Variants in PLD5 observed in about 807,000 individuals in gnomAD.
The protein encoded by PLD5 is inactive phospholipase D5.
In PLD5, 36 loss-of-function variants were observed where a neutral mutation model predicts 61.1. The observed-to-expected ratio is 0.59, with a 90% CI of 0.45 to 0.78. The LOEUF (loss-of-function observed/expected upper bound fraction) is 0.78, where lower values mean the gene tolerates loss of function less well. Among genes scored for constraint, PLD5 ranks in the 30% least tolerant of loss-of-function variants. The pLI is 0.00. For synonymous variants in PLD5, 243 were observed against 242.8 expected, an observed-to-expected ratio of 1.00 and a Z score of -0.01; for missense variants, 515 against 644.4, an observed-to-expected ratio of 0.80 and a Z score of 2.17.
chr1:242,446,367 C>T (rs1558573988), intron 1 of PLD5, among the ~76,000 whole-genome samples: 1 of 152,006 alleles, frequency 6.6e-6, no homozygotes, highest in Non-Finnish European at 1.5e-5. Context: ...GCCAGGAGTT[C>T]GAGGCCAATC....
chr1:242,337,016 T>A (rs1659554001), intron 2 of PLD5, among the ~76,000 whole-genome samples: 1 of 152,120 alleles, frequency 6.6e-6, no homozygotes, highest in South Asian at 2.1e-4. Flanking sequence ...GCTGCTTAAA[T>A]GACCAAGTTT....
chr1:242,517,129 C>T (rs902551992), intron 1 of PLD5, among the ~76,000 whole-genome samples: 2 of 152,198 alleles, frequency 1.3e-5, no homozygotes, highest in Non-Finnish European at 2.9e-5. Context: ...TGTACACAAT[C>T]ATACTGTCTG....
chr1:242,366,646 C>T (rs1661357047), intron 1 of PLD5, among the ~76,000 whole-genome samples: 1 of 151,906 alleles, frequency 6.6e-6, no homozygotes, highest in South Asian at 2.1e-4. Flanking sequence ...TTGCCATTAC[C>T]TTTAGTGGCA....
rs971409622 is a variant in PLD5 at position 242,506,995 on chromosome 1, C to A, written c.189+17093G>T. On this transcript the variant is annotated intron_variant, in intron 1 of 9. Coordinates refer to ENST00000536534, the MANE Select transcript of PLD5 (RefSeq NM_001372062.1). ...TCCTCAGTAGCAGCACGTGTCATGCCAAGGGTGAGAGGTGGCCCAGGCGGC... is the reference window on the plus strand; with the variant it reads ...TCCTCAGTAGCAGCACGTGTCATGCAAAGGGTGAGAGGTGGCCCAGGCGGC... Among the ~76,000 whole-genome samples, 5 of 152,142 alleles carry A rather than the reference C, an allele frequency of 3.3e-5. No individual in the cohort carries two copies. The South Asian group carries it at 1.0e-3, about 32-fold the overall frequency.
chr1:242,290,327 T>A (rs1446751097), intron 2 of PLD5, among the ~76,000 whole-genome samples: 2 of 147,308 alleles, frequency 1.4e-5, no homozygotes, highest in Non-Finnish European at 3.0e-5. Context: ...TTTTTATGAG[T>A]GAGTTGGAAG....
chr1:242,128,456 G>A (rs1662975418), intron 5 of PLD5, among the ~76,000 whole-genome samples: 1 of 152,168 alleles, frequency 6.6e-6, no homozygotes, highest in African/African-American at 2.4e-5. Context: ...GATCAAAGCA[G>A]CTGCCCCTGC....
chr1:242,323,094 A>G (rs1409376594), intron 2 of PLD5, among the ~76,000 whole-genome samples: 1 of 152,164 alleles, frequency 6.6e-6, no homozygotes, highest in Non-Finnish European at 1.5e-5. Flanking sequence ...ATAAATTATT[A>G]TTGTTATAAT....
At chr1:242,530,114 G>A in the PLD5 span, among the ~76,000 whole-genome samples, 190 of 152,248 alleles carry the variant, frequency 1.2e-3, 2 homozygotes, top group Middle Eastern at 6.8e-3. Flanking sequence ...GACTGGTCTC[G>A]AACTCCCGAC....
At chr1:242,235,866 A>G (rs1480368891) in intron 4 of PLD5, 1 of 138,480 alleles carries the variant, frequency 7.2e-6, no homozygotes, top group East Asian at 2.2e-4. Context: ...TCCAGTGCAG[A>G]GAGTGGGGAA....
At chr1:242,142,368 C>T (rs1254384961) in intron 5 of PLD5, among the ~76,000 whole-genome samples, 1 of 152,264 alleles carries the variant, frequency 6.6e-6, no homozygotes, top group East Asian at 1.9e-4. Context: ...TTTTGATGAA[C>T]CTTCTCAAAT....
chr1:242,362,601 CACCCAGTAG>C (rs1329803719), intron 1 of PLD5, among the ~76,000 whole-genome samples: 2 of 152,108 alleles, frequency 1.3e-5, no homozygotes, highest in African/African-American at 4.8e-5. Context: ...GGAAGCACGT[CACCCAGTAG>C]ACCCAGAGTA....
At chr1:242,129,119 C>T (rs368166199) in intron 5 of PLD5, among the ~76,000 whole-genome samples, 13 of 152,146 alleles carry the variant, frequency 8.5e-5, no homozygotes, top group African/African-American at 2.4e-4. Context: ...AACTGGGCAC[C>T]GTCTCCCTGG....
chr1:242,222,563 T>G (rs2149014422), intron 4 of PLD5, among the ~76,000 whole-genome samples: 1 of 152,316 alleles, frequency 6.6e-6, no homozygotes, highest in Middle Eastern at 3.4e-3. Context: ...TGTCTGAAAC[T>G]CGGCCCCGTG....
intron 2 of PLD5, among the ~76,000 whole-genome samples, chr1:242,329,758 G>A (rs1659054734): frequency 6.6e-6 from 1 of 152,190 alleles, no homozygotes; most frequent in Non-Finnish European, 1.5e-5. Flanking sequence ...TTCTCTAGGT[G>A]ATTGCAATGT....
intron 1 of PLD5, among the ~76,000 whole-genome samples, chr1:242,435,525 A>T (rs1665951560): frequency 6.6e-6 from 1 of 152,208 alleles, no homozygotes; most frequent in Non-Finnish European, 1.5e-5. Flanking sequence ...TGTGTTTTAG[A>T]TAAGCTTTGT....
chr1:242,493,365 T>A (rs1245176723), intron 1 of PLD5, among the ~76,000 whole-genome samples: 2 of 152,114 alleles, frequency 1.3e-5, no homozygotes, highest in Non-Finnish European at 2.9e-5. Flanking sequence ...GAAGCCTTCA[T>A]GCTGAAGCCT....
chr1:242,311,395 G>A lies in PLD5; in HGVS notation c.327-22865C>T, dbSNP rs183467312. On this transcript the variant is annotated intron_variant, in intron 2 of 9. Coordinates refer to ENST00000536534, the MANE Select transcript of PLD5 (RefSeq NM_001372062.1). ...TTTATTAAAGACATTTCTGATTCAG[G>A]AGGTCAAGGTGAAGCCTGAGAATTT... Among the ~76,000 whole-genome samples, 497 of 152,306 alleles carry A rather than the reference G, an allele frequency of 3.3e-3. 3 individuals carry two copies. Among genetic ancestry groups the A allele is most frequent in the Admixed American group, 4.1e-3 (62 of 15,290 alleles).
intron 1 of PLD5, among the ~76,000 whole-genome samples, chr1:242,407,043 T>G (rs1353376225): frequency 1.3e-5 from 2 of 152,198 alleles, no homozygotes; most frequent in Admixed American, 6.5e-5. Flanking sequence ...GATCTTGAAT[T>G]TTATGTAGCT....
chr1:242,379,196 A>G (rs994742039), intron 1 of PLD5, among the ~76,000 whole-genome samples: 1 of 152,140 alleles, frequency 6.6e-6, no homozygotes, highest in Non-Finnish European at 1.5e-5. Flanking sequence ...CATTCTGTCT[A>G]TGGTGTTTAC....
Sources: allele counts gnomAD v4.1 joint callset (sites outside exome capture counted in the v4.1 genomes callset), GRCh38; gene constraint gnomAD v4.1.1; transcripts MANE v1.5; gene names NCBI Gene and HGNC (gene_info 2026-07-23, HGNC 2026-07-21).